GAB1: variants seen among roughly 807,000 people sequenced by gnomAD.
The protein encoded by GAB1 is GRB2 associated binding protein 1.
GAB1 carries 19 observed loss-of-function variants against 66.5 expected under a neutral mutation model. That is an observed-to-expected ratio of 0.29 (90% CI 0.20 to 0.42). The LOEUF is 0.42. Among genes scored for constraint, GAB1 ranks in the 10% least tolerant of loss-of-function variants. The pLI is 1.00. For synonymous variants in GAB1, 294 were observed against 301.4 expected (o/e 0.98, Z 0.25); for missense variants, 732 against 858.5 (o/e 0.85, Z 1.84).
intron 1 of GAB1, among the ~76,000 whole-genome samples, chr4:143,413,176 GC>G (rs1362346129): frequency 6.6e-6 from 1 of 152,132 alleles, no homozygotes; most frequent in Non-Finnish European, 1.5e-5. Context: ...TTTCTTGAGG[GC>G]CCTGCATAAA....
chr4:143,425,678 A>G, intron 2 of GAB1: 2 of 760,144 alleles, frequency 2.6e-6, no homozygotes, highest in Admixed American at 1.7e-5. Flanking sequence ...TGATTAAAAA[A>G]GAAGAGCAGG....
At chr4:143,368,102 T>G (rs917371019) in intron 1 of GAB1, among the ~76,000 whole-genome samples, 1 of 151,838 alleles carries the variant, frequency 6.6e-6, no homozygotes, top group Non-Finnish European at 1.5e-5. Context: ...ACTTTGATCG[T>G]GGACTAGTAT....
intron 1 of GAB1, among the ~76,000 whole-genome samples, chr4:143,370,409 A>AGTCC (rs1730069523): frequency 6.6e-6 from 1 of 151,870 alleles, no homozygotes; most frequent in East Asian, 1.9e-4. Flanking sequence ...TAGAACAAGG[A>AGTCC]TTGTTGCAGT....
At chr4:143,452,990 A>G (rs1377591564) in intron 6 of GAB1, among the ~76,000 whole-genome samples, 1 of 152,196 alleles carries the variant, frequency 6.6e-6, no homozygotes. Flanking sequence ...GGCCTATTAT[A>G]TACAGGCAGT....
chr4:143,359,782 C>T (rs1304067083), intron 1 of GAB1, among the ~76,000 whole-genome samples: 1 of 152,184 alleles, frequency 6.6e-6, no homozygotes, highest in Non-Finnish European at 1.5e-5. Flanking sequence ...CAGGGGTTGC[C>T]AGTGGCAAAG....
chr4:143,429,115 A>G (rs750369090), intron 2 of GAB1, among the ~76,000 whole-genome samples: 3 of 151,976 alleles, frequency 2.0e-5, no homozygotes, highest in Non-Finnish European at 4.4e-5. Context: ...TTATTTATTT[A>G]TTTTTGAGAT....
intron 1 of GAB1, among the ~76,000 whole-genome samples, chr4:143,385,592 A>G (rs1312036571): frequency 2.0e-5 from 3 of 152,304 alleles, no homozygotes; most frequent in South Asian, 2.1e-4. Flanking sequence ...TTCACAGTCA[A>G]AGATGGCTCA....
At chr4:143,450,168 G>C (rs979987468) in intron 6 of GAB1, among the ~76,000 whole-genome samples, 1 of 152,042 alleles carries the variant, frequency 6.6e-6, no homozygotes, top group East Asian at 1.9e-4. Context: ...ATATTCTCTT[G>C]ACTTCAAAGT....
At chr4:143,440,470 A>G in intron 6 of GAB1, 88 bp downstream of exon 6, 3 of 1,274,672 alleles carry the variant, frequency 2.4e-6, no homozygotes, top group Non-Finnish European at 3.2e-6. Context: ...TAGAATTTGG[A>G]CTAGAAATTC....
At chr4:143,352,272 G>A (rs1729258494) in intron 1 of GAB1, among the ~76,000 whole-genome samples, 1 of 152,166 alleles carries the variant, frequency 6.6e-6, no homozygotes, top group African/African-American at 2.4e-5. Flanking sequence ...ATGTAATCAA[G>A]TCCTCTTGCA....
chr4:143,399,130 T>C (rs962755756), intron 1 of GAB1, among the ~76,000 whole-genome samples: 2 of 152,180 alleles, frequency 1.3e-5, no homozygotes, highest in Admixed American at 6.5e-5. Flanking sequence ...TTTATGGAAA[T>C]GATTTTGTTT....
intron 1 of GAB1, among the ~76,000 whole-genome samples, chr4:143,345,369 C>G (rs1014395822): frequency 1.3e-5 from 2 of 152,026 alleles, no homozygotes; most frequent in African/African-American, 4.8e-5. Flanking sequence ...AAAACAATGT[C>G]CTAAGAGGAA....
At chr4:143,395,905 A>G in intron 1 of GAB1, 1 of 455,358 alleles carries the variant, frequency 2.2e-6, no homozygotes, top group East Asian at 7.0e-5. Context: ...CCCCCGGGAG[A>G]GCAGCGTAGG....
chr4:143,341,754 C>T (rs544019397), intron 1 of GAB1, among the ~76,000 whole-genome samples: 3 of 152,190 alleles, frequency 2.0e-5, no homozygotes, highest in Non-Finnish European at 4.4e-5. Context: ...TGGGTGGGCA[C>T]CTGACATCTG....
rs1369585789 is a variant in GAB1 at position 143,357,693 on chromosome 4, C to A, written c.72+20433C>A. On this transcript the variant is annotated intron_variant, in intron 1 of 9. Coordinates refer to ENST00000262994, the MANE Select transcript of GAB1 (RefSeq NM_002039.4). ...TTCCATAGTTTGGGCCAATTTGCAA[C>A]CTGTCTTGTACTTACCCTTTGGAAT... 2.0e-5 allele frequency among the ~76,000 whole-genome samples: 3 copies of A among 152,080 alleles called. No homozygotes were observed. The East Asian group carries it at 5.8e-4, about 29-fold the overall frequency.
At chr4:143,446,397 T>C (rs541028203) in intron 6 of GAB1, among the ~76,000 whole-genome samples, 2 of 152,148 alleles carry the variant, frequency 1.3e-5, no homozygotes, top group African/African-American at 4.8e-5. Context: ...TGAACTAGTT[T>C]ACAGTCCCAC....
At chr4:143,438,704 A>G (rs770216563) in intron 4 of GAB1, 104 bp downstream of exon 4, 119 of 1,221,422 alleles carry the variant, frequency 9.7e-5, no homozygotes, top group Non-Finnish European at 1.3e-4. Flanking sequence ...ATGCTACAAA[A>G]TACAGTCCAT....
At chr4:143,370,217 A>T (rs1730057204) in intron 1 of GAB1, among the ~76,000 whole-genome samples, 1 of 152,206 alleles carries the variant, frequency 6.6e-6, no homozygotes, top group Non-Finnish European at 1.5e-5. Context: ...TGAGGAAGAA[A>T]GAGGAGGAAA....
chr4:143,349,767 G>T lies in GAB1; in HGVS notation c.72+12507G>T, dbSNP rs545003888. On this transcript the variant is annotated intron_variant, in intron 1 of 9. Transcript: ENST00000262994. ...GACCGACGTGGCCATTGTAGTCCCC[G>T]ATAGCAACGAATGCCTTGAACCTCG... The T allele has an allele frequency of 3.8e-6, 6 of 1,589,824 alleles. No individual in the cohort carries two copies. The Admixed American group carries it at 5.1e-5, about 13-fold the overall frequency.
Sources: allele counts gnomAD v4.1 joint callset (sites outside exome capture counted in the v4.1 genomes callset), GRCh38; gene constraint gnomAD v4.1.1; transcripts MANE v1.5; gene names NCBI Gene and HGNC (gene_info 2026-07-23, HGNC 2026-07-21).